The following NREP variants were observed in gnomAD, a reference collection of about 807,000 sequenced individuals.
The protein encoded by NREP is neuronal regeneration related protein, also known as neuronal regeneration-related protein.
A neutral mutation model predicts 8.6 loss-of-function variants in NREP; 5 were observed. The observed-to-expected ratio is 0.58, with a 90% CI of 0.30 to 1.22. NREP has a LOEUF of 1.22. Among genes scored for constraint, NREP ranks in the 50% most tolerant of loss-of-function variants. The pLI is 0.07. For missense variants in NREP, 86 were observed against 82.5 expected (o/e 1.04, Z -0.17); for synonymous variants, 27 against 28.0 (o/e 0.96, Z 0.11).
intron 2 of NREP, among the ~76,000 whole-genome samples, chr5:111,800,224 G>A (rs559327197): frequency 2.0e-5 from 3 of 152,040 alleles, no homozygotes; most frequent in Non-Finnish European, 2.9e-5. Flanking sequence ...CACCACACAC[G>A]GTTTGAAATG....
At chr5:111,881,008 C>T (rs11959949) in intron 2 of NREP, among the ~76,000 whole-genome samples, 52,767 of 152,054 alleles carry the variant, frequency 0.35, 9,773 homozygotes, top group East Asian at 0.62. Flanking sequence ...GTGCATGAGC[C>T]GAAGCAGGGC....
At chr5:111,970,846 A>AAG (rs1554057820) in intron 2 of NREP, among the ~76,000 whole-genome samples, 1 of 151,088 alleles carries the variant, frequency 6.6e-6, no homozygotes, top group South Asian at 2.1e-4. Flanking sequence ...AAAAAAAAAA[A>AAG]AAAGAAAGAA....
intron 2 of NREP, among the ~76,000 whole-genome samples, chr5:111,904,589 T>C (rs1754732148): frequency 6.6e-6 from 1 of 152,118 alleles, no homozygotes; most frequent in African/African-American, 2.4e-5. Context: ...GGCTTGATAG[T>C]TCAATTTTCT....
chr5:111,946,006 C>T lies in NREP; in HGVS notation c.135+29268G>A, dbSNP rs558198420. On this transcript the variant is annotated intron_variant, in intron 2 of 3. Coordinates refer to the NREP transcript ENST00000395634. ...CATTGCCATTCCCAAAGCTAAGGAG[C>T]ATGTGAGCCCTACCTGACACAAATG... Among the ~76,000 whole-genome samples the T allele has an allele frequency of 2.0e-5, 3 of 151,558 alleles. No homozygotes were observed. In the East Asian group the frequency reaches 5.9e-4, roughly 30 times the overall value.
chr5:111,792,520 T>C (rs1751775269), intron 2 of NREP, among the ~76,000 whole-genome samples: 1 of 152,196 alleles, frequency 6.6e-6, no homozygotes, highest in Non-Finnish European at 1.5e-5. Flanking sequence ...CAAAAGGACA[T>C]GGTTTTAACA....
chr5:111,903,084 T>C (rs1195388735), intron 2 of NREP, among the ~76,000 whole-genome samples: 4 of 141,770 alleles, frequency 2.8e-5, no homozygotes, highest in South Asian at 2.2e-4. Flanking sequence ...TCTTTTCTCT[T>C]TTTTTTTTTT....
rs143846555 is a variant in NREP at position 111,878,188 on chromosome 5, G to A, written c.135+97086C>T. Among the ~76,000 whole-genome samples, 21 of 152,262 alleles carry A rather than the reference G, an allele frequency of 1.4e-4. No individual in the cohort carries two copies. In the East Asian group the frequency reaches 2.5e-3, roughly 18 times the overall value. On this transcript the variant is annotated intron_variant, in intron 2 of 3. Coordinates refer to the NREP transcript ENST00000395634. ...TATGTTATTTATCATTTTCTGTTAT[G>A]TCTGCTAAAATTAAATATTCATATA...
intron 2 of NREP, among the ~76,000 whole-genome samples, chr5:111,906,416 C>T (rs879008140): frequency 6.6e-6 from 1 of 151,916 alleles, no homozygotes; most frequent in Admixed American, 6.6e-5. Flanking sequence ...TGCAATTAAG[C>T]AAATGGAACA....
intron 2 of NREP, among the ~76,000 whole-genome samples, chr5:111,865,560 A>G (rs889969268): frequency 6.6e-6 from 1 of 152,198 alleles, no homozygotes; most frequent in Non-Finnish European, 1.5e-5. Flanking sequence ...CATAGGCCAC[A>G]TGACATTATG....
At chr5:111,735,709 A>C (rs1269658162) in intron 2 of NREP, among the ~76,000 whole-genome samples, 2 of 152,214 alleles carry the variant, frequency 1.3e-5, no homozygotes, top group Non-Finnish European at 2.9e-5. Context: ...TTTCAGCTCG[A>C]TGTCTTCCAA....
At chr5:111,794,538 C>G (rs1459912987) in intron 2 of NREP, among the ~76,000 whole-genome samples, 2 of 152,096 alleles carry the variant, frequency 1.3e-5, no homozygotes, top group East Asian at 3.9e-4. Context: ...GCGAAGGAAA[C>G]TTGCATGCAT....
rs552985843 is a variant in NREP at position 111,801,691 on chromosome 5, C to T, written c.136-66184G>A. On this transcript the variant is annotated intron_variant, in intron 2 of 3. Coordinates refer to the NREP transcript ENST00000395634. ...TAGCAATTATGTAATTTCAGTAATT[C>T]CACTTACAGGTTAAATATGCTTATA... 2.0e-5 allele frequency among the ~76,000 whole-genome samples: 3 copies of T among 152,224 alleles called. No individual in the cohort carries two copies. In the South Asian group the frequency reaches 6.2e-4, roughly 32 times the overall value.
intron 2 of NREP, among the ~76,000 whole-genome samples, chr5:111,773,147 T>G (rs1396009645): frequency 6.6e-6 from 1 of 152,074 alleles, no homozygotes; most frequent in Non-Finnish European, 1.5e-5. Flanking sequence ...TTTTTTAAAT[T>G]TTTTTTTAAA....
intron 2 of NREP, among the ~76,000 whole-genome samples, chr5:111,856,492 ACT>A (rs1256043067): frequency 1.3e-5 from 2 of 152,196 alleles, no homozygotes; most frequent in East Asian, 3.9e-4. Context: ...TGTATAAAGT[ACT>A]GTGTTCGAAG....
intron 2 of NREP, among the ~76,000 whole-genome samples, chr5:111,974,677 T>C (rs1358782944): frequency 6.6e-6 from 1 of 152,216 alleles, no homozygotes; most frequent in Non-Finnish European, 1.5e-5. Context: ...AACTCATCAC[T>C]ATAAGAACTA....
At chr5:111,957,016 A>G (rs1756343610) in intron 2 of NREP, among the ~76,000 whole-genome samples, 1 of 151,198 alleles carries the variant, frequency 6.6e-6, no homozygotes, top group African/African-American at 2.4e-5. Flanking sequence ...GTTAAGTACA[A>G]TGACATACAG....
intron 2 of NREP, among the ~76,000 whole-genome samples, chr5:111,775,622 AT>A (rs1457850701): frequency 5.3e-5 from 8 of 152,080 alleles, no homozygotes; most frequent in Non-Finnish European, 1.0e-4. Context: ...TTAGAGCATA[AT>A]TTTTTTATTC....
intron 2 of NREP, among the ~76,000 whole-genome samples, chr5:111,799,012 T>C (rs1448475478): frequency 3.3e-5 from 5 of 152,210 alleles, no homozygotes; most frequent in African/African-American, 9.7e-5. Context: ...TTATTTTCCA[T>C]AGTTGTTGTA....
chr5:111,791,580 C>A (rs1171039426), intron 2 of NREP, among the ~76,000 whole-genome samples: 1 of 152,108 alleles, frequency 6.6e-6, no homozygotes, highest in Non-Finnish European at 1.5e-5. Context: ...CTAGGCCCAA[C>A]GATCTTCCCT....
Sources: allele counts gnomAD v4.1 joint callset (sites outside exome capture counted in the v4.1 genomes callset), GRCh38; gene constraint gnomAD v4.1.1; transcripts MANE v1.5; gene names NCBI Gene and HGNC (gene_info 2026-07-23, HGNC 2026-07-21).